The following LCLAT1 variants were observed in gnomAD, a reference collection of about 807,000 sequenced individuals.
LCLAT1 encodes the protein lysocardiolipin acyltransferase 1, also known as 1-AGP acyltransferase 8.
LCLAT1 carries 11 observed loss-of-function variants against 30.7 expected under a neutral mutation model. The observed-to-expected ratio is 0.36, with a 90% CI of 0.23 to 0.59. The LOEUF (loss-of-function observed/expected upper bound fraction) is 0.59. LCLAT1 is among the 20% of genes least tolerant of loss of function. The probability of loss-of-function intolerance (pLI) is 0.77; values close to 1 mark genes in which losing one functional copy is unlikely to be tolerated. For missense variants in LCLAT1, 402 were observed against 458.6 expected, an observed-to-expected ratio of 0.88 and a Z score of 1.13; for synonymous variants, 155 against 151.3, an observed-to-expected ratio of 1.02 and a Z score of -0.18.
chr2:30,546,526 CAT>C (rs1395950056), intron 3 of LCLAT1, among the ~76,000 whole-genome samples: 19 of 152,114 alleles, frequency 1.2e-4, no homozygotes, highest in Admixed American at 5.9e-4. Context: ...TGGAAAGACT[CAT>C]GTGGTCAGAT....
chr2:30,568,212 A>G, intron 5 of LCLAT1, 36 bp downstream of exon 5: 2 of 1,234,266 alleles, frequency 1.6e-6, no homozygotes, highest in Non-Finnish European at 2.3e-6. Context: ...TTTTAATAAA[A>G]GTGGCAAAAA....
chr2:30,458,740 G>A (rs2148268252), intron 1 of LCLAT1, among the ~76,000 whole-genome samples: 1 of 152,216 alleles, frequency 6.6e-6, no homozygotes, highest in East Asian at 1.9e-4. Context: ...ATCAGTACTG[G>A]TCCAAGGGAA....
At chr2:30,538,072 C>T (rs1157597780) in intron 3 of LCLAT1, among the ~76,000 whole-genome samples, 3 of 151,594 alleles carry the variant, frequency 2.0e-5, no homozygotes, top group African/African-American at 7.3e-5. Context: ...TAGGATACAG[C>T]AAAAGCAGTA....
rs1572736393 is a variant in LCLAT1 at position 30,641,886 on chromosome 2, A to G, written c.*1267A>G. ...CATTTTCACTCTGTTGGAGCTGCAC[A>G]CTTTTTTTTCTTTTTTTTTTTCTTT... On this transcript the variant is annotated 3_prime_UTR_variant, in exon 6 of 6. Coordinates refer to ENST00000379509, the MANE Select transcript of LCLAT1 (RefSeq NM_001002257.3). 9.1e-6 allele frequency: 1 copy of G among 110,040 alleles called. No homozygotes were observed. The highest frequency in any genetic ancestry group is 3.0e-5 in the African/African-American group (1 of 33,576). The allele number at this position is 110,040 out of a possible 1,614,324, so 6.8% of individuals were successfully genotyped here. A position where few individuals can be genotyped will look rare whatever the true frequency, so the allele number is the denominator to read the frequency against.
chr2:30,615,645 TG>T (rs1667960553), intron 5 of LCLAT1, among the ~76,000 whole-genome samples: 1 of 152,124 alleles, frequency 6.6e-6, no homozygotes, highest in Admixed American at 6.5e-5. Context: ...AATAAGTTTC[TG>T]GGAGAAAAGA....
chr2:30,617,287 G>C (rs899734547), intron 5 of LCLAT1, among the ~76,000 whole-genome samples: 1 of 152,122 alleles, frequency 6.6e-6, no homozygotes, highest in Admixed American at 6.5e-5. Flanking sequence ...GAATTATATA[G>C]TATGTGGTCA....
intron 5 of LCLAT1, chr2:30,606,006 T>C (rs1572688679): frequency 7.7e-7 from 1 of 1,294,792 alleles, no homozygotes; most frequent in Non-Finnish European, 1.0e-6. Flanking sequence ...CTCCCCACTC[T>C]GTTGATCAGG....
At chr2:30,612,801 A>G (rs1667803194) in intron 5 of LCLAT1, among the ~76,000 whole-genome samples, 2 of 152,168 alleles carry the variant, frequency 1.3e-5, no homozygotes, top group South Asian at 4.1e-4. Flanking sequence ...CTCTGCCAAG[A>G]AGTACCCCAG....
chr2:30,477,006 A>G (rs1409997836), intron 1 of LCLAT1, among the ~76,000 whole-genome samples: 1 of 152,158 alleles, frequency 6.6e-6, no homozygotes, highest in Non-Finnish European at 1.5e-5. Context: ...CCCATAAGGT[A>G]TTTTACTTAC....
At chr2:30,448,726 C>T (rs745669097) in intron 1 of LCLAT1, among the ~76,000 whole-genome samples, 2 of 152,162 alleles carry the variant, frequency 1.3e-5, no homozygotes, top group East Asian at 3.8e-4. Context: ...AAAGATTCTT[C>T]CAAACTGGAT....
At chr2:30,637,049 A>C (rs1179225994) in intron 5 of LCLAT1, among the ~76,000 whole-genome samples, 1 of 152,218 alleles carries the variant, frequency 6.6e-6, no homozygotes, top group African/African-American at 2.4e-5. Context: ...TTTGAAAGTA[A>C]ATGAAATGTG....
rs558298895 is a variant in LCLAT1 at position 30,555,326 on chromosome 2, A to G, written c.365-6820A>G. ...ATTTCAGGAATGCAAAGACTCAAAC[A>G]TTTTTTAAAAGAAATTATTTTGAGG... is the stretch of plus-strand genomic sequence containing the variant. On this transcript the variant is annotated intron_variant, in intron 3 of 5. Coordinates refer to ENST00000379509, the MANE Select transcript of LCLAT1 (RefSeq NM_001002257.3). 2.6e-5 allele frequency among the ~76,000 whole-genome samples: 4 copies of G among 152,250 alleles called. No homozygotes were observed. The South Asian group carries it at 8.3e-4, about 32-fold the overall frequency.
At chr2:30,522,585 C>G (rs965489021) in intron 1 of LCLAT1, among the ~76,000 whole-genome samples, 2 of 152,048 alleles carry the variant, frequency 1.3e-5, no homozygotes, top group African/African-American at 4.8e-5. Flanking sequence ...TGTTGTAATC[C>G]CCAGATGACT....
intron 1 of LCLAT1, among the ~76,000 whole-genome samples, chr2:30,493,895 T>C (rs10201729): frequency 0.5 from 75,414 of 152,020 alleles, 19,762 homozygotes; most frequent in Admixed American, 0.58. Context: ...GGCTCATGCC[T>C]ATAACCCAAC....
intron 3 of LCLAT1, among the ~76,000 whole-genome samples, chr2:30,553,959 C>T (rs1572616314): frequency 6.6e-6 from 1 of 152,160 alleles, no homozygotes; most frequent in East Asian, 1.9e-4. Flanking sequence ...CTGAGTAACA[C>T]TTTAAACATG....
intron 3 of LCLAT1, among the ~76,000 whole-genome samples, chr2:30,544,620 G>A (rs1664311852): frequency 6.6e-6 from 1 of 151,856 alleles, no homozygotes; most frequent in South Asian, 2.1e-4. Context: ...TACCCAGTAG[G>A]GCTAGAGTCC....
At chr2:30,554,046 C>CG (rs1339397782) in intron 3 of LCLAT1, among the ~76,000 whole-genome samples, 2 of 151,054 alleles carry the variant, frequency 1.3e-5, no homozygotes, top group Non-Finnish European at 2.9e-5. Flanking sequence ...ATTTTTTTAT[C>CG]GGGAAAAAAA....
intron 2 of LCLAT1, among the ~76,000 whole-genome samples, chr2:30,530,244 T>A (rs2148391981): frequency 6.6e-6 from 1 of 152,342 alleles, no homozygotes; most frequent in Non-Finnish European, 1.5e-5. Context: ...AAAATAAACA[T>A]GAGAAATGTG....
chr2:30,455,044 C>G (rs1451099567), intron 1 of LCLAT1, among the ~76,000 whole-genome samples: 1 of 152,046 alleles, frequency 6.6e-6, no homozygotes, highest in African/African-American at 2.4e-5. Flanking sequence ...CAGTTCTTGT[C>G]TGTTGAGTAG....
Sources: gnomAD v4.1 joint callset for allele counts (sites outside exome capture counted in the v4.1 genomes callset) on GRCh38, gnomAD v4.1.1 for gene constraint, MANE v1.5 for transcripts, NCBI Gene and HGNC (gene_info 2026-07-23, HGNC 2026-07-21) for gene names.